Variants in GRIK1 observed in about 807,000 individuals in gnomAD.
GRIK1 encodes the protein glutamate receptor ionotropic, kainate 1.
A neutral mutation model predicts 105.7 loss-of-function variants in GRIK1; 69 were observed. The observed-to-expected ratio is 0.65, with a 90% CI of 0.54 to 0.80. The LOEUF (loss-of-function observed/expected upper bound fraction) is 0.80, where lower values mean the gene tolerates loss of function less well. GRIK1 is among the 30% of genes least tolerant of loss of function. GRIK1 has a pLI of 0.00. For missense variants in GRIK1, 1,109 were observed against 1,167.3 expected, an observed-to-expected ratio of 0.95 and a Z score of 0.73; for synonymous variants, 438 against 431.3, an observed-to-expected ratio of 1.02 and a Z score of -0.19.
At chr21:29,553,825 C>T in intron 16 of GRIK1, 1 of 663,026 alleles carries the variant, frequency 1.5e-6, no homozygotes, top group South Asian at 2.4e-5. Flanking sequence ...CACATTAAAG[C>T]ATCATATATA....
At chr21:29,573,291 C>T (rs1183857795) in intron 14 of GRIK1, among the ~76,000 whole-genome samples, 1 of 152,168 alleles carries the variant, frequency 6.6e-6, no homozygotes, top group Non-Finnish European at 1.5e-5. Flanking sequence ...TCAGAAAATG[C>T]TCAGGGAGCA....
At chr21:29,731,167 C>CAGG (rs1050965374) in intron 1 of GRIK1, among the ~76,000 whole-genome samples, 4 of 152,188 alleles carry the variant, frequency 2.6e-5, no homozygotes, top group African/African-American at 9.6e-5. Flanking sequence ...GAGGAATGAG[C>CAGG]AGGAGCACTG....
In GRIK1 at chr21:29,548,897, T is replaced by G. The variant is rs141853589; in HGVS notation, c.2607+6155A>C. 7.5e-3 allele frequency among the ~76,000 whole-genome samples: 1,137 copies of G among 152,348 alleles called. 16 individuals carry two copies. Among genetic ancestry groups the G allele is most frequent in the African/African-American group, 0.026 (1,085 of 41,580 alleles). On this transcript the variant is annotated intron_variant, in intron 16 of 17. Transcript: ENST00000327783. ...CTCTAAAATAATTCAATTTATAATT[T>G]TAGTTTAAAACAAAGTAAAATATAA...
intron 1 of GRIK1, among the ~76,000 whole-genome samples, chr21:29,805,201 C>T (rs577653266): frequency 2.6e-5 from 4 of 152,120 alleles, no homozygotes; most frequent in African/African-American, 9.7e-5. Flanking sequence ...CAAATCTCAG[C>T]CTAGTTGTTA....
intron 4 of GRIK1, among the ~76,000 whole-genome samples, chr21:29,658,074 C>T (rs1003831446): frequency 1.3e-5 from 2 of 151,878 alleles, no homozygotes; most frequent in African/African-American, 2.4e-5. Flanking sequence ...TTTATTAGGG[C>T]GGTATTGCTA....
rs539831740 is a variant in GRIK1 at position 29,768,995 on chromosome 21, G to A, written c.119-74932C>T. ...ATTTAGCGTAGTCTTAAGCATAGAG[G>A]TAACAATCAATCAATTATTGTTGTT... On this transcript the variant is annotated intron_variant, in intron 1 of 17. Transcript: ENST00000327783. Among the ~76,000 whole-genome samples the A allele has an allele frequency of 3.3e-5, 5 of 152,244 alleles. No individual in the cohort carries two copies. The East Asian group carries it at 9.7e-4, about 29-fold the overall frequency.
intron 1 of GRIK1, among the ~76,000 whole-genome samples, chr21:29,825,645 T>C (rs2067432564): frequency 6.6e-6 from 1 of 152,090 alleles, no homozygotes; most frequent in Non-Finnish European, 1.5e-5. Context: ...TGTGAATCAT[T>C]TTAAGAGATT....
chr21:29,555,168 C>G lies in GRIK1; in HGVS notation c.2491G>C (p.Gly831Arg). Residue 831 changes from glycine (G) to arginine (R), a missense_variant, in exon 16 of 18, where the codon GGA becomes CGA. By Grantham distance (125) the Gly-to-Arg change is moderately radical (BLOSUM62 -2). Coordinates refer to ENST00000327783, the MANE Select transcript of GRIK1 (RefSeq NM_001330994.2). Reference protein sequence around the residue: ...EEDNKEASALGVENIGGIFIV... With the variant: ...EEDNKEASALRVENIGGIFIV... ...AAGATGCCTCCAATATTTTCCACTC[C>G]CAGGGCACTGGCTTCTTTGTTGTCT... 6.2e-7 allele frequency: 1 copy of G among 1,614,000 alleles called. No homozygotes were observed. The highest frequency in any genetic ancestry group is 1.1e-5 in the South Asian group (1 of 91,076).
At chr21:29,767,732 G>A (rs542894437) in intron 1 of GRIK1, among the ~76,000 whole-genome samples, 1 of 152,226 alleles carries the variant, frequency 6.6e-6, no homozygotes, top group South Asian at 2.1e-4. Context: ...AAGTAGACTT[G>A]CCTTTGAGTC....
chr21:29,590,522 G>A (rs1051296313), intron 10 of GRIK1, among the ~76,000 whole-genome samples: 18 of 152,164 alleles, frequency 1.2e-4, no homozygotes, highest in African/African-American at 4.3e-4. Context: ...CAGAGCAAAG[G>A]GAGCCAAGGG....
intron 1 of GRIK1, among the ~76,000 whole-genome samples, chr21:29,752,580 T>G (rs1008740871): frequency 1.3e-5 from 2 of 152,020 alleles, no homozygotes; most frequent in African/African-American, 4.8e-5. Context: ...AATATCAACA[T>G]TTTGAGAGGC....
At chr21:29,749,023 A>G (rs1238347733) in intron 1 of GRIK1, 1 of 152,230 alleles carries the variant, frequency 6.6e-6, no homozygotes, top group Non-Finnish European at 1.5e-5. Flanking sequence ...GAAGCTACAC[A>G]AAGTCCTCTT....
intron 7 of GRIK1, among the ~76,000 whole-genome samples, chr21:29,622,864 C>T (rs550261136): frequency 1.3e-5 from 2 of 152,242 alleles, no homozygotes; most frequent in South Asian, 4.2e-4. Context: ...TATGTGAATC[C>T]ATAATTTACT....
In GRIK1 at chr21:29,905,720, A is replaced by C. The variant is rs387135; in HGVS notation, c.118+33663T>G. On this transcript the variant is annotated intron_variant, in intron 1 of 17. Coordinates refer to ENST00000327783, the MANE Select transcript of GRIK1 (RefSeq NM_001330994.2). ...CGGCTCACTGCAAGCTCCGCCTCCC[A>C]GGTTCACGCCATTCTCCTGCCTCAG... Among the ~76,000 whole-genome samples the C allele has an allele frequency of 3.6e-5, 5 of 137,302 alleles. No homozygotes were observed. In the East Asian group the frequency reaches 1.1e-3, roughly 29 times the overall value. The allele number at this position is 137,302 out of a possible 152,430, so 90.1% of individuals were successfully genotyped here.
At chr21:29,822,551 T>C (rs562448095) in intron 1 of GRIK1, among the ~76,000 whole-genome samples, 20 of 152,130 alleles carry the variant, frequency 1.3e-4, no homozygotes, top group African/African-American at 4.6e-4. Context: ...ACAAGCTGTT[T>C]CCATGTGACA....
chr21:29,692,720 T>C (rs1396326861), intron 2 of GRIK1, among the ~76,000 whole-genome samples: 1 of 152,106 alleles, frequency 6.6e-6, no homozygotes, highest in African/African-American at 2.4e-5. Flanking sequence ...CACAGGCACC[T>C]GCCACCATGC....
chr21:29,850,390 T>A (rs958320027), intron 1 of GRIK1, among the ~76,000 whole-genome samples: 1 of 152,168 alleles, frequency 6.6e-6, no homozygotes, highest in South Asian at 2.1e-4. Flanking sequence ...CTGGGTGTTA[T>A]CCATTTCTAA....
intron 1 of GRIK1, among the ~76,000 whole-genome samples, chr21:29,804,448 A>T (rs460401): frequency 0.8 from 121,052 of 151,208 alleles, 49,284 homozygotes; most frequent in Non-Finnish European, 0.88. Flanking sequence ...AACTCCAATT[A>T]AAAAAAAAAA....
At chr21:29,890,114 T>C (rs2069837409) in intron 1 of GRIK1, among the ~76,000 whole-genome samples, 1 of 152,122 alleles carries the variant, frequency 6.6e-6, no homozygotes, top group African/African-American at 2.4e-5. Context: ...ATAAATATTT[T>C]TATGCATTAT....
Sources: allele counts gnomAD v4.1 joint callset (sites outside exome capture counted in the v4.1 genomes callset), GRCh38; gene constraint gnomAD v4.1.1; transcripts MANE v1.5; gene names NCBI Gene and HGNC (gene_info 2026-07-23, HGNC 2026-07-21).